DACH2: variants seen among roughly 807,000 people sequenced by gnomAD.
DACH2 encodes the protein dachshund family transcription factor 2.
DACH2 carries 17 observed loss-of-function variants against 35.8 expected under a neutral mutation model. The observed-to-expected ratio is 0.48, with a 90% CI of 0.33 to 0.71. DACH2 has a LOEUF of 0.71. DACH2 is among the 30% of genes least tolerant of loss of function. The probability of loss-of-function intolerance (pLI) is 0.02; values close to 1 mark genes in which losing one functional copy is unlikely to be tolerated. For missense variants in DACH2, 469 were observed against 472.7 expected (o/e 0.99, Z 0.07); for synonymous variants, 195 against 177.3 (o/e 1.10, Z -0.79).
At chrX:86,204,319 C>G (rs1365498730) in intron 1 of DACH2, among the ~76,000 whole-genome samples, 1 of 111,746 alleles carries the variant, frequency 8.9e-6, no homozygotes, top group Non-Finnish European at 1.9e-5. Flanking sequence ...TAAATGTATC[C>G]TTTGTTCTTG....
intron 2 of DACH2, among the ~76,000 whole-genome samples, chrX:86,412,765 T>C (rs2036635706): frequency 9.0e-6 from 1 of 111,481 alleles, no homozygotes; most frequent in Non-Finnish European, 1.9e-5. Flanking sequence ...AGCATGCCTA[T>C]CTGCCATTGA....
chrX:86,753,935 C>T (rs1422447555), intron 7 of DACH2, among the ~76,000 whole-genome samples: 1 of 73,897 alleles, frequency 1.4e-5, no homozygotes, highest in Non-Finnish European at 2.8e-5. Context: ...TATGAGCTCA[C>T]AATAAAAAAA....
chrX:86,584,859 A>G (rs1256823626), intron 3 of DACH2, among the ~76,000 whole-genome samples: 2 of 111,162 alleles, frequency 1.8e-5, no homozygotes, highest in African/African-American at 3.3e-5. Flanking sequence ...CCTTATGTCC[A>G]TAAGTGCCCA....
intron 6 of DACH2, among the ~76,000 whole-genome samples, chrX:86,730,692 G>A (rs1234303917): frequency 1.8e-5 from 2 of 111,477 alleles, no homozygotes; most frequent in East Asian, 2.8e-4. Context: ...TATAATTCTC[G>A]ATTAAGTATT....
In DACH2 at chrX:86,541,870, T is replaced by A. The variant is rs916130706; in HGVS notation, c.640+27479T>A. Among the ~76,000 whole-genome samples, 3 of 111,247 alleles carry A rather than the reference T, an allele frequency of 2.7e-5. 1 individual carries two copies. The highest frequency in any genetic ancestry group is 9.8e-5 in the African/African-American group (3 of 30,598). ...CTGCCATAAATGTTTTTCACGAGAT[T>A]TCATCCAAGGAGTTCTAACTCCAGA... On this transcript the variant is annotated intron_variant, in intron 3 of 11. Coordinates refer to ENST00000373125, the MANE Select transcript of DACH2 (RefSeq NM_053281.3).
intron 1 of DACH2, among the ~76,000 whole-genome samples, chrX:86,319,187 G>C (rs1490029174): frequency 8.9e-6 from 1 of 111,801 alleles, no homozygotes; most frequent in Non-Finnish European, 1.9e-5. Flanking sequence ...ATACCCTTCT[G>C]AATTTTGTTA....
chrX:86,181,154 G>GTCTATCTA (rs370859606), intron 1 of DACH2, among the ~76,000 whole-genome samples: 40,198 of 101,183 alleles, frequency 0.4, 6,941 homozygotes, highest in African/African-American at 0.52. Flanking sequence ...ATGTCTGACT[G>GTCTATCTA]TCTATCTATC....
chrX:86,461,519 A>T (rs1047255178), intron 2 of DACH2, among the ~76,000 whole-genome samples: 11 of 111,104 alleles, frequency 9.9e-5, no homozygotes, highest in Non-Finnish European at 2.1e-4. Context: ...GAAAAGCTTA[A>T]TGATGTTTTA....
At chrX:86,264,781 A>G (rs1049008773) in intron 1 of DACH2, among the ~76,000 whole-genome samples, 5 of 111,790 alleles carry the variant, frequency 4.5e-5, no homozygotes, top group African/African-American at 1.6e-4. Context: ...CGTGTTATGA[A>G]AGAACTGATG....
chrX:86,663,856 T>G lies in DACH2; in HGVS notation c.772+12689T>G, dbSNP rs749776182. On this transcript the variant is annotated intron_variant, in intron 4 of 11. Transcript: ENST00000373125. ...TCTCTCTAGCTGCATCATAAATGGT[T>G]GGTTACAAGTGCCTCCTCTAGGTGA... is the stretch of plus-strand genomic sequence containing the variant. 2.8e-3 allele frequency among the ~76,000 whole-genome samples: 318 copies of G among 111,754 alleles called. 2 individuals are homozygous for G. Among genetic ancestry groups the G allele is most frequent in the African/African-American group, 9.8e-3 (304 of 30,863 alleles).
chrX:86,572,050 AC>A (rs1405018939), intron 3 of DACH2, among the ~76,000 whole-genome samples: 2 of 111,209 alleles, frequency 1.8e-5, no homozygotes, highest in Non-Finnish European at 3.8e-5. Context: ...CAATGAGAAC[AC>A]TTGGACACAG....
intron 3 of DACH2, among the ~76,000 whole-genome samples, chrX:86,627,054 T>C (rs1330503333): frequency 1.8e-5 from 2 of 112,755 alleles, no homozygotes; most frequent in Admixed American, 9.4e-5. Context: ...TTTGTTAAAC[T>C]TTTATGCTCT....
intron 7 of DACH2, among the ~76,000 whole-genome samples, chrX:86,804,380 C>T (rs2042323157): frequency 9.0e-6 from 1 of 111,422 alleles, no homozygotes; most frequent in Non-Finnish European, 1.9e-5. Flanking sequence ...TGAGAACTTT[C>T]CCCCAGTGAT....
At chrX:86,582,700 T>C (rs1284676525) in intron 3 of DACH2, among the ~76,000 whole-genome samples, 1 of 110,308 alleles carries the variant, frequency 9.1e-6, no homozygotes, top group Non-Finnish European at 1.9e-5. Context: ...TAACGAGATC[T>C]GAAATTGAGT....
chrX:86,268,283 G>A (rs747686357), intron 1 of DACH2, among the ~76,000 whole-genome samples: 2 of 110,535 alleles, frequency 1.8e-5, no homozygotes, highest in Non-Finnish European at 3.8e-5. Flanking sequence ...AATAGTTAAC[G>A]TTCATTGAGT....
intron 2 of DACH2, among the ~76,000 whole-genome samples, chrX:86,497,213 T>A (rs2038184871): frequency 9.0e-6 from 1 of 111,350 alleles, no homozygotes; most frequent in Admixed American, 9.6e-5. Flanking sequence ...GCTCTCAGAG[T>A]ATGAGAGATC....
chrX:86,486,590 G>A (rs1278296076), intron 2 of DACH2, among the ~76,000 whole-genome samples: 2 of 111,106 alleles, frequency 1.8e-5, no homozygotes, highest in Non-Finnish European at 1.9e-5. Flanking sequence ...GTTCTCTTAC[G>A]GTTGAGACTG....
At chrX:86,719,335 A>T (rs1311378308) in intron 6 of DACH2, among the ~76,000 whole-genome samples, 2 of 112,041 alleles carry the variant, frequency 1.8e-5, no homozygotes, top group Non-Finnish European at 3.8e-5. Flanking sequence ...TTACTAAACT[A>T]ATTTCTCAAA....
chrX:86,325,299 G>A (rs913112406), intron 1 of DACH2, among the ~76,000 whole-genome samples: 2 of 111,542 alleles, frequency 1.8e-5, no homozygotes, highest in African/African-American at 6.5e-5. Flanking sequence ...AATTGAGTAT[G>A]CCACAGGTTC....
Sources: gnomAD v4.1 joint callset for allele counts (sites outside exome capture counted in the v4.1 genomes callset) on GRCh38, gnomAD v4.1.1 for gene constraint, MANE v1.5 for transcripts, NCBI Gene and HGNC (gene_info 2026-07-23, HGNC 2026-07-21) for gene names.